NR5A2: variants seen among roughly 807,000 people sequenced by gnomAD.
NR5A2 encodes nuclear receptor subfamily 5 group A member 2.
Under a neutral mutation model 62.7 loss-of-function variants are expected in NR5A2, and 26 were observed. That is an observed-to-expected ratio of 0.41 (90% CI 0.30 to 0.58). The LOEUF (loss-of-function observed/expected upper bound fraction) is 0.58. Among genes scored for constraint, NR5A2 ranks in the 20% least tolerant of loss-of-function variants. NR5A2 has a pLI of 0.22. For synonymous variants in NR5A2, 246 were observed against 241.7 expected, an observed-to-expected ratio of 1.02 and a Z score of -0.16; for missense variants, 541 against 669.1, an observed-to-expected ratio of 0.81 and a Z score of 2.11.
At chr1:200,038,840 G>A in intron 1 of NR5A2, 3 of 1,103,588 alleles carry the variant, frequency 2.7e-6, no homozygotes, top group Non-Finnish European at 3.6e-6. Context: ...GTGAGGCGGG[G>A]TGAAGAGGTT....
rs1001417918 is a variant in NR5A2, at chr1:200,177,322, A to G, written c.*3112A>G. 4 of 152,546 alleles carry G rather than the reference A, an allele frequency of 2.6e-5. No homozygotes were observed. The highest frequency in any genetic ancestry group is 5.9e-5 in the Non-Finnish European group (4 of 68,030). 9.4% of individuals were successfully genotyped at this position (152,546 alleles called of 1,614,324 possible). ...TTTTCTTACTGTATCAATGAAATAC[A>G]TATTGTCATGTCAGTTCTTGCCAGG... is the stretch of plus-strand genomic sequence containing the variant. On this transcript the variant is annotated 3_prime_UTR_variant, in exon 8 of 8. Coordinates refer to ENST00000367362, the MANE Select transcript of NR5A2 (RefSeq NM_205860.3).
intron 6 of NR5A2, among the ~76,000 whole-genome samples, chr1:200,119,649 C>T (rs1049930971): frequency 6.6e-5 from 10 of 151,770 alleles, no homozygotes; most frequent in South Asian, 2.1e-4. Flanking sequence ...TTTTTTGAGA[C>T]GGAGTCTGGC....
chr1:200,074,371 A>G (rs571648450), intron 5 of NR5A2, among the ~76,000 whole-genome samples: 1 of 151,390 alleles, frequency 6.6e-6, no homozygotes, highest in African/African-American at 2.4e-5. Context: ...TTCAAGACCA[A>G]CATAGCAAGA....
chr1:200,092,064 AC>A (rs758271313), intron 5 of NR5A2, among the ~76,000 whole-genome samples: 47 of 152,326 alleles, frequency 3.1e-4, no homozygotes, highest in South Asian at 6.2e-4. Flanking sequence ...AGTTTGAGAA[AC>A]ATGGATCTTG....
intron 6 of NR5A2, among the ~76,000 whole-genome samples, chr1:200,114,481 T>C (rs1666126076): frequency 6.6e-6 from 1 of 152,094 alleles, no homozygotes; most frequent in Admixed American, 6.5e-5. Context: ...TAATTTAGAA[T>C]TGGAACAACC....
chr1:200,122,698 G>T (rs1029491257), intron 7 of NR5A2, among the ~76,000 whole-genome samples: 1 of 152,128 alleles, frequency 6.6e-6, no homozygotes, highest in Non-Finnish European at 1.5e-5. Context: ...TGAGCACTTC[G>T]ATTGTTTCAG....
At position 200,176,643 on chromosome 1, in the gene NR5A2, A is replaced by G. The variant is rs1654432904; in HGVS notation, c.*2433A>G. On this transcript the variant is annotated 3_prime_UTR_variant, in exon 8 of 8. Coordinates refer to ENST00000367362, the MANE Select transcript of NR5A2 (RefSeq NM_205860.3). ...GGTCTTTAACATTGCCAAAAAAACAAATATGTTGATTTTTATTTTATTTTA... is the reference window on the plus strand; with the variant it reads ...GGTCTTTAACATTGCCAAAAAAACAGATATGTTGATTTTTATTTTATTTTA... 1 of 152,150 alleles carries G rather than the reference A, an allele frequency of 6.6e-6. No homozygotes were observed. Among genetic ancestry groups the G allele is most frequent in the Non-Finnish European group, 1.5e-5 (1 of 68,022 alleles). 9.4% of individuals were successfully genotyped at this position (152,150 alleles called of 1,614,324 possible). A position where few individuals can be genotyped will look rare whatever the true frequency, so the allele number is the denominator to read the frequency against.
chr1:200,062,814 G>A lies in NR5A2; in HGVS notation c.1110+13996G>A, dbSNP rs535664774. Among the ~76,000 whole-genome samples the A allele has an allele frequency of 2.0e-5, 3 of 152,232 alleles. No homozygotes were observed. In the South Asian group the frequency reaches 6.2e-4, roughly 32 times the overall value. On this transcript the variant is annotated intron_variant, in intron 5 of 7. Coordinates refer to ENST00000367362, the MANE Select transcript of NR5A2 (RefSeq NM_205860.3). ...TCAGAGGCTTGAAATGCCCCTTAATGTTAACTGCTGTATTAGCTAGTTAAC... is the reference window on the plus strand; with the variant it reads ...TCAGAGGCTTGAAATGCCCCTTAATATTAACTGCTGTATTAGCTAGTTAAC...
At chr1:200,154,937 C>A (rs1001752241) in intron 7 of NR5A2, among the ~76,000 whole-genome samples, 1 of 152,182 alleles carries the variant, frequency 6.6e-6, no homozygotes, top group African/African-American at 2.4e-5. Flanking sequence ...AAGGTTTCTA[C>A]GCATTCCAGC....
intron 5 of NR5A2, among the ~76,000 whole-genome samples, chr1:200,085,033 G>T (rs970541940): frequency 2.0e-5 from 3 of 152,282 alleles, no homozygotes; most frequent in Non-Finnish European, 4.4e-5. Flanking sequence ...AGAAGTATCC[G>T]GGGCTCTACC....
chr1:200,038,561 T>C (rs1417956028), intron 1 of NR5A2: 1 of 501,624 alleles, frequency 2.0e-6, no homozygotes, highest in South Asian at 1.6e-5. Context: ...AGACCAACTC[T>C]GCATGTAAGA....
intron 5 of NR5A2, among the ~76,000 whole-genome samples, chr1:200,069,343 C>A (rs1419500528): frequency 6.6e-6 from 1 of 152,044 alleles, no homozygotes; most frequent in Admixed American, 6.6e-5. Context: ...TCACTGCAAC[C>A]TCCACCTCCT....
chr1:200,150,369 C>A (rs1322426260), intron 7 of NR5A2, among the ~76,000 whole-genome samples: 1 of 152,172 alleles, frequency 6.6e-6, no homozygotes, highest in Non-Finnish European at 1.5e-5. Flanking sequence ...CAAAAACAAT[C>A]TTGAACTCTA....
chr1:200,173,936 C>CTT lies in NR5A2; in HGVS notation c.1379-9_1379-8dup, dbSNP rs3034024. ...GAATTGAAATGCTATTGAAATGTTG[C>CTT]TTTTTTTTTTTTTTTTTTTAATGCA... On this transcript the variant is annotated intron_variant, in intron 7 of 7. Transcript: ENST00000367362. 9.5e-4 allele frequency: 1,173 copies of CTT among 1,236,628 alleles called. 2 individuals carry two copies. Among genetic ancestry groups the CTT allele is most frequent in the African/African-American group, 7.0e-3 (412 of 58,926 alleles). The allele number at this position is 1,236,628 out of a possible 1,614,324, so 76.6% of individuals were successfully genotyped here.
intron 1 of NR5A2, among the ~76,000 whole-genome samples, chr1:200,028,585 T>G (rs1214716998): frequency 6.6e-6 from 1 of 152,210 alleles, no homozygotes; most frequent in African/African-American, 2.4e-5. Flanking sequence ...ACTTATGAAT[T>G]TTATAGCAAG....
chr1:200,067,455 C>G (rs965705793), intron 5 of NR5A2, among the ~76,000 whole-genome samples: 3 of 152,204 alleles, frequency 2.0e-5, no homozygotes, highest in African/African-American at 7.2e-5. Context: ...ACTCACGAGG[C>G]TGAGGCAGGA....
intron 3 of NR5A2, chr1:200,044,184 A>T: frequency 4.7e-6 from 1 of 214,686 alleles, no homozygotes; most frequent in Non-Finnish European, 9.1e-6. Flanking sequence ...AGTCCTAAAT[A>T]TTGATTTTGC....
At chr1:200,033,409 A>G (rs1197182099) in intron 1 of NR5A2, among the ~76,000 whole-genome samples, 1 of 152,086 alleles carries the variant, frequency 6.6e-6, no homozygotes, top group African/African-American at 2.4e-5. Context: ...CAATTAAAAA[A>G]AAAAGCACTT....
At chr1:200,139,343 CT>C (rs2102342043) in intron 7 of NR5A2, among the ~76,000 whole-genome samples, 1 of 152,224 alleles carries the variant, frequency 6.6e-6, no homozygotes, top group South Asian at 2.1e-4. Flanking sequence ...TTATCTTTTG[CT>C]TTTCTGGATT....
Sources: gnomAD v4.1 joint callset for allele counts (sites outside exome capture counted in the v4.1 genomes callset) on GRCh38, gnomAD v4.1.1 for gene constraint, MANE v1.5 for transcripts, NCBI Gene and HGNC (gene_info 2026-07-23, HGNC 2026-07-21) for gene names.